ELF1: variants seen among roughly 807,000 people sequenced by gnomAD.
ELF1 encodes the protein ETS-related transcription factor Elf-1.
In ELF1, 24 loss-of-function variants were observed where a neutral mutation model predicts 59.9. The observed-to-expected ratio is 0.40, with a 90% CI of 0.29 to 0.56. The LOEUF is 0.56. Ranked by LOEUF, ELF1 falls within the 20% of genes least tolerant of loss-of-function variation. The pLI, the probability that ELF1 is intolerant of heterozygous loss-of-function variation, is 0.44. For synonymous variants in ELF1, 248 were observed against 266.2 expected (o/e 0.93, Z 0.67); for missense variants, 627 against 742.2 (o/e 0.84, Z 1.80).
intron 3 of ELF1, among the ~76,000 whole-genome samples, chr13:40,955,577 G>A (rs1365856018): frequency 8.8e-5 from 5 of 56,622 alleles, no homozygotes; most frequent in African/African-American, 5.4e-5. Context: ...CCGGCCAGCC[G>A]CCCCGTCCGG....
chr13:41,035,861 AC>A (rs1237183004), intron 1 of ELF1, among the ~76,000 whole-genome samples: 14 of 150,880 alleles, frequency 9.3e-5, no homozygotes, highest in Admixed American at 4.6e-4. Flanking sequence ...AACAACAACA[AC>A]AACAACAAAA....
At chr13:41,002,279 T>C (rs924926274) in intron 1 of ELF1, among the ~76,000 whole-genome samples, 1 of 151,952 alleles carries the variant, frequency 6.6e-6, no homozygotes, top group Admixed American at 6.6e-5. Flanking sequence ...TAAATAGAAA[T>C]ACCTGGAGAA....
chr13:41,002,584 T>TAA (rs749504259), intron 1 of ELF1, among the ~76,000 whole-genome samples: 14 of 117,058 alleles, frequency 1.2e-4, no homozygotes, highest in African/African-American at 2.8e-4. Flanking sequence ...GACCTTACCT[T>TAA]AAAAAAAAAA....
At chr13:41,043,857 T>C (rs1335826567) in intron 1 of ELF1, among the ~76,000 whole-genome samples, 1 of 152,176 alleles carries the variant, frequency 6.6e-6, no homozygotes, top group African/African-American at 2.4e-5. Flanking sequence ...AGCTTGATGG[T>C]GATGGCACTG....
intron 8 of ELF1, among the ~76,000 whole-genome samples, chr13:40,938,849 TAAATA>T (rs1329496734): frequency 2.6e-5 from 4 of 151,960 alleles, no homozygotes; most frequent in African/African-American, 9.7e-5. Context: ...AAAAAAGGTA[TAAATA>T]AATAGAGAAA....
At chr13:40,981,588 G>A (rs78076494) in intron 2 of ELF1, among the ~76,000 whole-genome samples, 7,263 of 152,014 alleles carry the variant, frequency 0.048, 425 homozygotes, top group East Asian at 0.23. Context: ...TTATGGGACC[G>A]CTAACGTTGT....
intron 1 of ELF1, among the ~76,000 whole-genome samples, chr13:41,047,344 G>A (rs1472910192): frequency 6.6e-6 from 1 of 152,212 alleles, no homozygotes; most frequent in African/African-American, 2.4e-5. Context: ...TTTGGAGGGG[G>A]AGAAGTGCTC....
chr13:40,981,385 C>A (rs1873261604), intron 2 of ELF1, among the ~76,000 whole-genome samples: 2 of 151,890 alleles, frequency 1.3e-5, no homozygotes. Context: ...AATCTTAGAT[C>A]CTTTACTCAG....
chr13:40,955,421 G>A (rs1270912838), intron 3 of ELF1, among the ~76,000 whole-genome samples: 3 of 138,660 alleles, frequency 2.2e-5, no homozygotes, highest in Admixed American at 7.0e-5. Flanking sequence ...GGAAGGAGGT[G>A]GGGGGGTCAG....
chr13:40,985,239 T>C (rs558847528), intron 1 of ELF1, among the ~76,000 whole-genome samples: 64 of 152,302 alleles, frequency 4.2e-4, no homozygotes, highest in African/African-American at 1.5e-3. Flanking sequence ...TTCTTGAGAA[T>C]ACATTTTCTG....
chr13:41,009,056 T>C (rs956480399), intron 1 of ELF1, among the ~76,000 whole-genome samples: 1 of 152,016 alleles, frequency 6.6e-6, no homozygotes, highest in Non-Finnish European at 1.5e-5. Flanking sequence ...CTCAAGTAGC[T>C]GGACTATAGG....
chr13:40,941,355 C>T lies in ELF1; in HGVS notation c.822G>A (p.Arg274=). 6.2e-7 allele frequency: 1 copy of T among 1,601,926 alleles called. No individual in the cohort carries two copies. Among genetic ancestry groups the T allele is most frequent in the Non-Finnish European group, 8.5e-7 (1 of 1,176,124 alleles). The stretch of plus-strand genomic sequence containing the variant: ...GACCTTCCACTTTTGCCAGAATACC[C>T]CTTTGGTAATAGTACCTATTCAAAG... ...MGRALRYYYQ[R]GILAKVEGQR... is the part of the protein sequence containing the mutation. The change falls in exon 8 of 9, where the codon AGG becomes AGA. Residue 274 remains arginine, a synonymous_variant. Coordinates refer to ENST00000239882, the MANE Select transcript of ELF1 (RefSeq NM_172373.4).
At chr13:40,975,053 A>G (rs1201947317) in intron 2 of ELF1, among the ~76,000 whole-genome samples, 1 of 152,238 alleles carries the variant, frequency 6.6e-6, no homozygotes, top group African/African-American at 2.4e-5. Context: ...CTTAAGTTTG[A>G]TATGACAAGA....
intron 1 of ELF1, among the ~76,000 whole-genome samples, chr13:41,001,698 C>A (rs1441575650): frequency 6.6e-6 from 1 of 152,120 alleles, no homozygotes; most frequent in African/African-American, 2.4e-5. Context: ...TGTTTCCCCT[C>A]AAAATATTCT....
chr13:41,042,481 C>G (rs1368475235), intron 1 of ELF1, among the ~76,000 whole-genome samples: 4 of 152,066 alleles, frequency 2.6e-5, no homozygotes, highest in Non-Finnish European at 5.9e-5. Flanking sequence ...ACAATAGGCC[C>G]CAGTGTGTGA....
chr13:40,960,826 A>G (rs935729638), intron 2 of ELF1, among the ~76,000 whole-genome samples: 3 of 152,176 alleles, frequency 2.0e-5, no homozygotes, highest in Non-Finnish European at 2.9e-5. Context: ...TTAACTCAAA[A>G]CTATGTAAAT....
intron 1 of ELF1, among the ~76,000 whole-genome samples, chr13:40,982,648 A>T (rs549267311): frequency 3.9e-5 from 6 of 152,122 alleles, no homozygotes; most frequent in Non-Finnish European, 8.8e-5. Context: ...CAACTCAGCA[A>T]AGCACATACA....
chr13:40,953,019 C>T (rs1186744160), intron 3 of ELF1, among the ~76,000 whole-genome samples: 1 of 150,934 alleles, frequency 6.6e-6, no homozygotes, highest in Non-Finnish European at 1.5e-5. Context: ...TCTTGTTGCC[C>T]AGGCTGGAGT....
At chr13:41,039,243 ATAAG>A (rs756089855) in intron 1 of ELF1, among the ~76,000 whole-genome samples, 6 of 151,798 alleles carry the variant, frequency 4.0e-5, no homozygotes, top group African/African-American at 1.2e-4. Flanking sequence ...TAAAAAATAA[ATAAG>A]TAAGTAAATA....
Sources: gnomAD v4.1 joint callset for allele counts (sites outside exome capture counted in the v4.1 genomes callset) on GRCh38, gnomAD v4.1.1 for gene constraint, MANE v1.5 for transcripts, NCBI Gene and HGNC (gene_info 2026-07-23, HGNC 2026-07-21) for gene names.